TOP6BL: variants seen among roughly 807,000 people sequenced by gnomAD.
TOP6BL encodes the protein TOP6B like initiator of meiotic double strand breaks.
the TOP6BL span, chr11:66,842,871 C>A: frequency 6.4e-7 from 1 of 1,572,088 alleles, no homozygotes. Flanking sequence ...AAGCAGAAAA[C>A]AAGAGGCTCA....
the TOP6BL span, among the ~76,000 whole-genome samples, chr11:66,767,756 C>CTA: frequency 6.6e-6 from 1 of 152,252 alleles, no homozygotes; most frequent in Admixed American, 6.5e-5. Context: ...TCCCTATATG[C>CTA]TACCCTTTTG....
At chr11:66,827,013 C>T in the TOP6BL span, among the ~76,000 whole-genome samples, 1 of 133,422 alleles carries the variant, frequency 7.5e-6, no homozygotes, top group African/African-American at 2.9e-5. Context: ...CGGAGTTTCG[C>T]TCTTGTTGCC....
At chr11:66,784,475 T>C in the TOP6BL span, among the ~76,000 whole-genome samples, 1 of 152,210 alleles carries the variant, frequency 6.6e-6, no homozygotes, top group African/African-American at 2.4e-5. Flanking sequence ...ATAACTGTTA[T>C]CACTATCCAA....
At chr11:66,784,100 G>A in the TOP6BL span, among the ~76,000 whole-genome samples, 1 of 151,862 alleles carries the variant, frequency 6.6e-6, no homozygotes, top group African/African-American at 2.4e-5. Context: ...GCGCGATCTC[G>A]GCTCACTGCA....
At chr11:66,746,158 A>G in the TOP6BL span, among the ~76,000 whole-genome samples, 2 of 152,196 alleles carry the variant, frequency 1.3e-5, no homozygotes, top group Non-Finnish European at 2.9e-5. Context: ...GTTAGACTCT[A>G]CACGTACCTG....
At chr11:66,797,325 G>A in the TOP6BL span, among the ~76,000 whole-genome samples, 1 of 151,960 alleles carries the variant, frequency 6.6e-6, no homozygotes, top group East Asian at 1.9e-4. Flanking sequence ...TTGGTTATGT[G>A]TTATAGCGAG....
chr11:66,747,464 G>A, the TOP6BL span, among the ~76,000 whole-genome samples: 1 of 151,226 alleles, frequency 6.6e-6, no homozygotes, highest in Non-Finnish European at 1.5e-5. Flanking sequence ...TCCCACCTTG[G>A]CCTCCCAAAG....
At chr11:66,837,900 C>T in the TOP6BL span, among the ~76,000 whole-genome samples, 20 of 152,222 alleles carry the variant, frequency 1.3e-4, no homozygotes, top group Non-Finnish European at 2.1e-4. Flanking sequence ...AGGAGGCTAC[C>T]GATGACTACA....
chr11:66,824,359 C>A, the TOP6BL span, among the ~76,000 whole-genome samples: 3 of 151,398 alleles, frequency 2.0e-5, no homozygotes, highest in Non-Finnish European at 4.4e-5. Flanking sequence ...AATTCTCCTG[C>A]CTCAGCCTCC....
chr11:66,755,185 A>G, the TOP6BL span, among the ~76,000 whole-genome samples: 1 of 149,642 alleles, frequency 6.7e-6, no homozygotes, highest in Non-Finnish European at 1.5e-5. Flanking sequence ...CAGTGGTGTG[A>G]TATCAGCTCA....
chr11:66,824,461 T>A, the TOP6BL span, among the ~76,000 whole-genome samples: 2 of 130,856 alleles, frequency 1.5e-5, no homozygotes, highest in Non-Finnish European at 3.3e-5. Flanking sequence ...TTATTATTAT[T>A]ATACTTTAAG....
the TOP6BL span, among the ~76,000 whole-genome samples, chr11:66,772,620 A>G: frequency 6.6e-6 from 1 of 152,200 alleles, no homozygotes; most frequent in East Asian, 1.9e-4. Flanking sequence ...AAATACAAAA[A>G]TTAGCTGGGT....
At chr11:66,842,814 T>G in the TOP6BL span, 6 of 1,518,908 alleles carry the variant, frequency 4.0e-6, no homozygotes, top group Admixed American at 2.1e-5. Context: ...CACAGGGCCA[T>G]GAAAGTAAGA....
At chr11:66,820,682 T>C in the TOP6BL span, among the ~76,000 whole-genome samples, 1 of 152,260 alleles carries the variant, frequency 6.6e-6, no homozygotes, top group Non-Finnish European at 1.5e-5. Flanking sequence ...GATGTTCACA[T>C]AGACGTAGAG....
chr11:66,808,200 C>T, the TOP6BL span, among the ~76,000 whole-genome samples: 4 of 152,350 alleles, frequency 2.6e-5, no homozygotes, highest in South Asian at 8.3e-4. Context: ...GAAACACCCA[C>T]TGGGACTCCA....
chr11:66,752,919 A>C, the TOP6BL span, among the ~76,000 whole-genome samples: 2 of 152,086 alleles, frequency 1.3e-5, no homozygotes, highest in Non-Finnish European at 2.9e-5. Flanking sequence ...GCCTGAGCTC[A>C]GGAGTTTGAG....
chr11:66,773,892 A>C, the TOP6BL span, among the ~76,000 whole-genome samples: 1 of 151,806 alleles, frequency 6.6e-6, no homozygotes, highest in African/African-American at 2.4e-5. Flanking sequence ...CCCCACCACC[A>C]AGCCCAGCTA....
chr11:66,769,400 T>C, the TOP6BL span, among the ~76,000 whole-genome samples: 1 of 151,858 alleles, frequency 6.6e-6, no homozygotes, highest in Non-Finnish European at 1.5e-5. Flanking sequence ...TTAAAAACTC[T>C]TATGCTTCAA....
chr11:66,831,183 C>T, the TOP6BL span, among the ~76,000 whole-genome samples: 10 of 152,294 alleles, frequency 6.6e-5, 1 homozygote, highest in Admixed American at 5.2e-4. Flanking sequence ...ACAAGCACTT[C>T]GGAGAACAGT....
Sources: gnomAD v4.1 joint callset for allele counts (sites outside exome capture counted in the v4.1 genomes callset) on GRCh38, gnomAD v4.1.1 for gene constraint, MANE v1.5 for transcripts, NCBI Gene and HGNC (gene_info 2026-07-23, HGNC 2026-07-21) for gene names.